PPM1H: variants seen among roughly 807,000 people sequenced by gnomAD.
The protein encoded by PPM1H is protein phosphatase 1H.
In PPM1H, 27 loss-of-function variants were observed where a neutral mutation model predicts 54.9. The observed-to-expected ratio is 0.49, with a 90% confidence interval of 0.36 to 0.68. PPM1H has a LOEUF of 0.68. Ranked by LOEUF, PPM1H falls within the 30% of genes least tolerant of loss-of-function variation. The pLI, the probability that PPM1H is intolerant of heterozygous loss-of-function variation, is 0.00. For missense variants in PPM1H, 596 were observed against 667.8 expected (o/e 0.89, Z 1.19); for synonymous variants, 305 against 270.8 (o/e 1.13, Z -1.24).
chr12:62,850,716 T>C (rs1003491705), intron 1 of PPM1H: 2 of 149,282 alleles, frequency 1.3e-5, no homozygotes, highest in Admixed American at 6.7e-5. Flanking sequence ...TATATATTTA[T>C]ATTTTTTTCT....
chr12:62,724,074 G>C (rs986318707), intron 5 of PPM1H, among the ~76,000 whole-genome samples: 5 of 152,178 alleles, frequency 3.3e-5, no homozygotes, highest in Non-Finnish European at 5.9e-5. Flanking sequence ...ATGCCAAGAT[G>C]ATGCTGAACA....
At chr12:62,923,399 T>C (rs1214864073) in intron 1 of PPM1H, among the ~76,000 whole-genome samples, 2 of 152,158 alleles carry the variant, frequency 1.3e-5, no homozygotes, top group Non-Finnish European at 2.9e-5. Context: ...TTTTTTTTCT[T>C]TTTTTGTTTT....
chr12:62,720,273 T>A lies in PPM1H; in HGVS notation c.971A>T (p.His324Leu). 1 of 1,612,060 alleles carries A rather than the reference T, an allele frequency of 6.2e-7. No homozygotes were observed. Among genetic ancestry groups the A allele is most frequent in the Non-Finnish European group, 8.5e-7 (1 of 1,178,236 alleles). The change falls in exon 6 of 10, where the codon CAC becomes CTC. Residue 324 changes from histidine (H) to leucine (L), a missense_variant. By Grantham distance (99) the His-to-Leu change is moderately conservative. Around this residue, in one of 3 missense-constraint regions of PPM1H, gnomAD observed 208 missense variants for 259.5 expected, o/e 0.80. Coordinates refer to ENST00000228705, the MANE Select transcript of PPM1H (RefSeq NM_020700.2). ...RLQYLAFMQP[H>L]LLGNEFTHLE... ...ATGTGTGAACTCATTTCCCAGCAAG[T>A]GAGGCTGCATGAATGCCTAATAGCA...
intron 6 of PPM1H, among the ~76,000 whole-genome samples, 199 bp downstream of exon 6, chr12:62,719,972 A>G (rs2076254725): frequency 6.6e-6 from 1 of 152,186 alleles, no homozygotes; most frequent in Non-Finnish European, 1.5e-5. Flanking sequence ...GGCCTCGAAG[A>G]AGCAGAGAGG....
intron 9 of PPM1H, among the ~76,000 whole-genome samples, chr12:62,653,719 G>C (rs2136596026): frequency 1.3e-5 from 2 of 152,294 alleles, no homozygotes; most frequent in Middle Eastern, 6.8e-3. Context: ...CTGAGGGGCA[G>C]TATGGATTTC....
At chr12:62,915,611 A>C (rs1871597549) in intron 1 of PPM1H, among the ~76,000 whole-genome samples, 1 of 152,228 alleles carries the variant, frequency 6.6e-6, no homozygotes, top group Admixed American at 6.5e-5. Flanking sequence ...GATACATTGC[A>C]TACAGGCGTA....
At chr12:62,720,602 A>G (rs985621330) in intron 5 of PPM1H, 4 of 308,694 alleles carry the variant, frequency 1.3e-5, no homozygotes, top group Non-Finnish European at 2.5e-5. Context: ...CAAATGGTAT[A>G]CTGGTGAGAT....
At position 62,683,156 on chromosome 12, in the gene PPM1H, C is replaced by T. The variant is rs188480201; in HGVS notation, c.1245+6543G>A. Among the ~76,000 whole-genome samples the T allele has an allele frequency of 1.7e-3, 261 of 151,302 alleles. 1 individual carries two copies. The highest frequency in any genetic ancestry group is 4.2e-3 in the Admixed American group (63 of 15,180). ...AACTCCTGGGTTCAAATGATCTTCT[C>T]GCCTTGGCCTCCCAAAGTGCTGGGA... On this transcript the variant is annotated intron_variant, in intron 8 of 9. Transcript: ENST00000228705.
chr12:62,838,946 A>AG (rs1236032938), intron 1 of PPM1H, among the ~76,000 whole-genome samples: 1 of 101,404 alleles, frequency 9.9e-6, no homozygotes, highest in Non-Finnish European at 2.0e-5. Context: ...AAAAAAAAAA[A>AG]AAAAAGAATA....
chr12:62,877,215 TG>T (rs895887704), intron 1 of PPM1H, among the ~76,000 whole-genome samples: 19 of 152,210 alleles, frequency 1.2e-4, no homozygotes, highest in African/African-American at 4.1e-4. Context: ...GGACTTATAC[TG>T]TGTGAGCAGC....
At chr12:62,783,935 A>T (rs956470449) in intron 4 of PPM1H, among the ~76,000 whole-genome samples, 1 of 152,254 alleles carries the variant, frequency 6.6e-6, no homozygotes, top group Non-Finnish European at 1.5e-5. Context: ...TAAACTGAAG[A>T]ATCAGTCAGA....
At chr12:62,796,678 A>G (rs1344793975) in intron 3 of PPM1H, among the ~76,000 whole-genome samples, 2 of 152,174 alleles carry the variant, frequency 1.3e-5, no homozygotes, top group African/African-American at 4.8e-5. Flanking sequence ...TTACATAGGC[A>G]CGAGTGTTTA....
Position 62,695,415 on chromosome 12 carries a change from T to C in PPM1H, c.1074-1416A>G, listed in dbSNP as rs2076108948. On this transcript the variant is annotated intron_variant, in intron 6 of 9. Coordinates refer to ENST00000228705, the MANE Select transcript of PPM1H (RefSeq NM_020700.2). ...GCAAAGATTAAAATAGGGAAATGAATGTGGAGAGCTTAGGAGGTACTTAGC... is the reference window on the plus strand; with the variant it reads ...GCAAAGATTAAAATAGGGAAATGAACGTGGAGAGCTTAGGAGGTACTTAGC... Among the ~76,000 whole-genome samples, 3 of 152,146 alleles carry C rather than the reference T, an allele frequency of 2.0e-5. No individual in the cohort carries two copies. In the South Asian group the frequency reaches 6.2e-4, roughly 32 times the overall value.
chr12:62,835,931 A>T (rs1868489137), intron 1 of PPM1H, among the ~76,000 whole-genome samples: 1 of 152,222 alleles, frequency 6.6e-6, no homozygotes, highest in Non-Finnish European at 1.5e-5. Context: ...CTTTAATTTT[A>T]TAAAAAGTAA....
intron 2 of PPM1H, among the ~76,000 whole-genome samples, chr12:62,815,651 A>G (rs1286877429): frequency 6.6e-6 from 1 of 152,202 alleles, no homozygotes; most frequent in African/African-American, 2.4e-5. Context: ...CACCTACCCC[A>G]TGCACTATTC....
chr12:62,814,754 G>A (rs1220737429), intron 2 of PPM1H, among the ~76,000 whole-genome samples: 1 of 152,142 alleles, frequency 6.6e-6, no homozygotes, highest in Admixed American at 6.5e-5. Flanking sequence ...TCTCATCGTT[G>A]ATTTTACAAA....
At chr12:62,703,613 G>A (rs1336541459) in intron 6 of PPM1H, among the ~76,000 whole-genome samples, 1 of 152,010 alleles carries the variant, frequency 6.6e-6, no homozygotes, top group Non-Finnish European at 1.5e-5. Flanking sequence ...GGAGGCCTGG[G>A]ATGAAACACC....
chr12:62,773,149 AAAAACAAAAC>A (rs376689900), intron 4 of PPM1H, among the ~76,000 whole-genome samples: 20 of 152,060 alleles, frequency 1.3e-4, no homozygotes, highest in African/African-American at 2.7e-4. Flanking sequence ...TCCGTCTCAA[AAAAACAAAAC>A]AAAACAAAAC....
chr12:62,750,570 A>G (rs895074116), intron 4 of PPM1H, among the ~76,000 whole-genome samples: 4 of 152,232 alleles, frequency 2.6e-5, no homozygotes, highest in African/African-American at 9.6e-5. Context: ...TAATGCTGCT[A>G]TGAACATTTG....
Sources: allele counts gnomAD v4.1 joint callset (sites outside exome capture counted in the v4.1 genomes callset), GRCh38; gene constraint gnomAD v4.1.1; regional missense constraint gnomAD v4.1.1; transcripts MANE v1.5; gene names NCBI Gene and HGNC (gene_info 2026-07-23, HGNC 2026-07-21).